Variants in LTBP2 observed in about 807,000 individuals in gnomAD.
The protein encoded by LTBP2 is latent-transforming growth factor beta-binding protein 2.
A neutral mutation model predicts 210.6 loss-of-function variants in LTBP2; 103 were observed. That is an observed-to-expected ratio of 0.49 (90% confidence interval 0.42 to 0.58). The LOEUF is 0.58. LTBP2 is among the 20% of genes least tolerant of loss of function. The pLI, the probability that LTBP2 is intolerant of heterozygous loss-of-function variation, is 0.00. For synonymous variants in LTBP2, 1,007 were observed against 1,015.0 expected (o/e 0.99, Z 0.15); for missense variants, 2,313 against 2,494.5 (o/e 0.93, Z 1.55).
Position 74,505,008 on chromosome 14 carries a change from A to G in LTBP2, c.4344T>C (p.Cys1448=). The part of the protein sequence containing the change: ...CTQGASWGDA[C]DLCPSEDSAE... Reference sequence around the variant, plus strand: ...CTGAGTCCTCAGACGGGCAGAGGTCACAGGCATCTCCCCAGCTAGCGCCCT... The same window carrying G: ...CTGAGTCCTCAGACGGGCAGAGGTCGCAGGCATCTCCCCAGCTAGCGCCCT... Residue 1448 remains cysteine, a synonymous_variant, in exon 29 of 36, where the codon TGT becomes TGC. Coordinates refer to ENST00000261978, the MANE Select transcript of LTBP2 (RefSeq NM_000428.3). 1 of 1,614,200 alleles carries G rather than the reference A, an allele frequency of 6.2e-7. No homozygotes were observed. The highest frequency in any genetic ancestry group is 8.5e-7 in the Non-Finnish European group (1 of 1,180,036).
chr14:74,534,790 C>G (rs759114889), intron 9 of LTBP2, among the ~76,000 whole-genome samples: 2 of 152,092 alleles, frequency 1.3e-5, no homozygotes, highest in Non-Finnish European at 2.9e-5. Context: ...ATGAGCAGGT[C>G]CCTTCGCAGA....
intron 3 of LTBP2, among the ~76,000 whole-genome samples, chr14:74,577,504 CTTTTTTTTT>C (rs397948520): frequency 4.4e-5 from 6 of 135,966 alleles, no homozygotes; most frequent in African/African-American, 1.7e-4. Flanking sequence ...ACCATTATCT[CTTTTTTTTT>C]TTTTTTTTTT....
Position 74,552,879 on chromosome 14 carries a change from G to T in LTBP2, c.1192+13C>A, listed in dbSNP as rs2087679130. The T allele has an allele frequency of 1.9e-6, 3 of 1,609,966 alleles. No individual in the cohort carries two copies. The highest frequency in any genetic ancestry group is 2.5e-6 in the Non-Finnish European group (3 of 1,178,532). ...GGCCAGCTGGGAACCATCTGAGCAG[G>T]AAAGGGACTCACAGATGCGGAAGCC... On this transcript the variant is annotated intron_variant, in intron 5 of 35. Transcript: ENST00000261978.
At chr14:74,547,630 T>C (rs2087594565) in intron 8 of LTBP2, among the ~76,000 whole-genome samples, 1 of 152,150 alleles carries the variant, frequency 6.6e-6, no homozygotes, top group Non-Finnish European at 1.5e-5. Flanking sequence ...TGCCCCTGAA[T>C]TGCCACTTGG....
intron 3 of LTBP2, among the ~76,000 whole-genome samples, chr14:74,564,277 A>T (rs867720665): frequency 1.5e-4 from 8 of 54,004 alleles, no homozygotes; most frequent in East Asian, 1.0e-3. Context: ...ATATATTTAT[A>T]TATATATTTA....
chr14:74,611,147 T>C (rs1459146222), intron 1 of LTBP2, among the ~76,000 whole-genome samples: 1 of 152,090 alleles, frequency 6.6e-6, no homozygotes, highest in Non-Finnish European at 1.5e-5. Context: ...CTACAAGAGC[T>C]CGTTAGTTGC....
intron 9 of LTBP2, among the ~76,000 whole-genome samples, chr14:74,533,704 C>G (rs116106662): frequency 3.4e-3 from 513 of 152,322 alleles, no homozygotes; most frequent in African/African-American, 0.011. Context: ...CCCGTGGAGG[C>G]TCATGCTGTT....
intron 3 of LTBP2, among the ~76,000 whole-genome samples, chr14:74,565,718 AGTAGAGGTGGTAGCT>A (rs957684529): frequency 7.2e-5 from 11 of 152,276 alleles, no homozygotes; most frequent in Middle Eastern, 3.4e-3. Flanking sequence ...AGGTTGTAAG[AGTAGAGGTGGTAGCT>A]GTAGAGTTAA....
intron 26 of LTBP2, among the ~76,000 whole-genome samples, 170 bp from the exon 27 acceptor site, chr14:74,506,993 C>T (rs2087000828): frequency 6.6e-6 from 1 of 152,234 alleles, no homozygotes; most frequent in Admixed American, 6.5e-5. Context: ...CCTCTCAACC[C>T]AGGATAAGAA....
intron 14 of LTBP2, among the ~76,000 whole-genome samples, chr14:74,525,610 T>C (rs2087262461): frequency 6.6e-6 from 1 of 152,198 alleles, no homozygotes; most frequent in Admixed American, 6.5e-5. Context: ...ACCAACATCT[T>C]ATTTGCTTTG....
intron 2 of LTBP2, among the ~76,000 whole-genome samples, chr14:74,599,093 A>G (rs2088410211): frequency 2.0e-5 from 3 of 152,260 alleles, no homozygotes; most frequent in Admixed American, 2.0e-4. Flanking sequence ...CATATCATTC[A>G]TCCCCAAAAC....
chr14:74,552,343 C>G lies in LTBP2; in HGVS notation c.1243G>C (p.Glu415Gln), dbSNP rs775567304. 3 of 1,611,560 alleles carry G rather than the reference C, an allele frequency of 1.9e-6. No homozygotes were observed. Among genetic ancestry groups the G allele is most frequent in the East Asian group, 4.5e-5 (2 of 44,878 alleles). The change falls in exon 6 of 36, where the codon GAA becomes CAA. Residue 415 changes from glutamate (E) to glutamine (Q), a missense_variant. Transcript: ENST00000261978. ...GTGGAGTTGGCGGGGCACCAGCATT[C>G]GTCCCTGCCGATGCAGCGGCCTCCG... ...LNGGRCIGRD[E>Q]CWCPANSTGK...
At chr14:74,540,830 A>AATATATATTTATATATATTATATATATT (rs2087490055) in intron 8 of LTBP2, among the ~76,000 whole-genome samples, 1 of 68,646 alleles carries the variant, frequency 1.5e-5, no homozygotes, top group African/African-American at 5.1e-5. Context: ...ATTTTTATAT[A>AATATATATTTATATATATTATATATATT]ATATATATTT....
At position 74,500,714 on chromosome 14, in the gene LTBP2, G is replaced by T; in HGVS notation, c.*170C>A. On this transcript the variant is annotated 3_prime_UTR_variant, in exon 36 of 36. Transcript: ENST00000261978. ...AGCCAAGCAAGGGCATGGAGGCAATGACCGAAGCTTACAGCCAGAGGCTAA... is the reference window on the plus strand; with the variant it reads ...AGCCAAGCAAGGGCATGGAGGCAATTACCGAAGCTTACAGCCAGAGGCTAA... The T allele has an allele frequency of 1.2e-6, 1 of 852,840 alleles. No homozygotes were observed. The highest frequency in any genetic ancestry group is 1.9e-6 in the Non-Finnish European group (1 of 526,606). 52.8% of individuals were successfully genotyped at this position (852,840 alleles called of 1,614,324 possible).
At chr14:74,528,370 A>G in intron 12 of LTBP2, 113 bp downstream of exon 12, 1 of 1,240,882 alleles carries the variant, frequency 8.1e-7, no homozygotes. Flanking sequence ...CCCTTTCCTA[A>G]TGCCACAGAG....
intron 9 of LTBP2, among the ~76,000 whole-genome samples, chr14:74,532,831 G>GTTTATTTATTTATTTA (rs896376570): frequency 6.6e-6 from 1 of 152,100 alleles, no homozygotes; most frequent in African/African-American, 2.4e-5. Flanking sequence ...AAGAGCTAAT[G>GTTTATTTATTTATTTA]TTTATTTATT....
intron 29 of LTBP2, 55 bp from the exon 30 acceptor site, chr14:74,504,916 C>T (rs570751925): frequency 1.4e-5 from 22 of 1,613,540 alleles, no homozygotes; most frequent in Admixed American, 3.3e-5. Context: ...CCCTTCCTCT[C>T]TCCCCTTCTT....
chr14:74,587,275 T>A (rs995613355), intron 2 of LTBP2, among the ~76,000 whole-genome samples: 2 of 151,976 alleles, frequency 1.3e-5, no homozygotes, highest in African/African-American at 4.8e-5. Context: ...TGAGCCCTAG[T>A]GAATGTCAGG....
intron 3 of LTBP2, among the ~76,000 whole-genome samples, chr14:74,564,582 A>G (rs1049098460): frequency 4.7e-5 from 7 of 148,668 alleles, no homozygotes; most frequent in African/African-American, 1.5e-4. Flanking sequence ...TTTTTGTTTC[A>G]CCATATTGGC....
Sources: allele counts gnomAD v4.1 joint callset (sites outside exome capture counted in the v4.1 genomes callset), GRCh38; gene constraint gnomAD v4.1.1; transcripts MANE v1.5; gene names NCBI Gene and HGNC (gene_info 2026-07-23, HGNC 2026-07-21).